The following MARCHF7 variants were observed in gnomAD, a reference collection of about 807,000 sequenced individuals.
The protein encoded by MARCHF7 is E3 ubiquitin-protein ligase MARCHF7.
A neutral mutation model predicts 76.5 loss-of-function variants in MARCHF7; 20 were observed. The ratio of observed to expected loss-of-function variants is 0.26; its 90% CI spans 0.18 to 0.38. The LOEUF (loss-of-function observed/expected upper bound fraction) is 0.38, where lower values mean the gene tolerates loss of function less well. Ranked by LOEUF, MARCHF7 falls within the 10% of genes least tolerant of loss-of-function variation. The pLI is 1.00. For missense variants in MARCHF7, 797 were observed against 812.9 expected (o/e 0.98, Z 0.24); for synonymous variants, 295 against 293.0 (o/e 1.01, Z -0.07).
chr2:159,761,406 C>CTT (rs747902045), intron 9 of MARCHF7, among the ~76,000 whole-genome samples: 1,714 of 73,524 alleles, frequency 0.023, 235 homozygotes, highest in Middle Eastern at 0.065. Context: ...TGAATCATTT[C>CTT]TTTTTTTTTT....
chr2:159,760,715 G>GTTTTTGTTTTTGT (rs1706938321), intron 9 of MARCHF7, among the ~76,000 whole-genome samples: 3 of 149,734 alleles, frequency 2.0e-5, no homozygotes, highest in African/African-American at 7.4e-5. Flanking sequence ...TTCCTTTTTT[G>GTTTTTGTTTTTGT]TTTTTGTTTT....
intron 11 of MARCHF7, among the ~76,000 whole-genome samples, chr2:159,766,855 C>T (rs4664301): frequency 0.34 from 52,308 of 151,890 alleles, 9,208 homozygotes; most frequent in South Asian, 0.44. Flanking sequence ...TCTATGTACA[C>T]TTCTTTTCAT....
chr2:159,731,778 TA>T lies in MARCHF7; in HGVS notation c.153+2604del, dbSNP rs1484712789. 2.7e-5 allele frequency among the ~76,000 whole-genome samples: 4 copies of T among 150,638 alleles called. No homozygotes were observed. In the East Asian group the frequency reaches 7.9e-4, roughly 30 times the overall value. ...TCAAAAAAAAAATTCCATTTCTTAT[TA>T]TGTTAAACAAATAGCATTTTTTAAA... On this transcript the variant is annotated intron_variant, in intron 4 of 11. Coordinates refer to ENST00000409175, the MANE Select transcript of MARCHF7 (RefSeq NM_001282805.2).
intron 3 of MARCHF7, among the ~76,000 whole-genome samples, chr2:159,719,920 G>C (rs554653182): frequency 6.6e-6 from 1 of 152,190 alleles, no homozygotes. Context: ...AGTCGAGATG[G>C]ATATGACCTT....
At chr2:159,751,505 G>A (rs1183979559) in intron 7 of MARCHF7, among the ~76,000 whole-genome samples, 3 of 152,166 alleles carry the variant, frequency 2.0e-5, no homozygotes, top group Non-Finnish European at 4.4e-5. Context: ...TTGAGGTTAT[G>A]TCTGATTAAC....
At chr2:159,718,625 C>T (rs1284518717) in intron 3 of MARCHF7, among the ~76,000 whole-genome samples, 1 of 152,096 alleles carries the variant, frequency 6.6e-6, no homozygotes, top group Non-Finnish European at 1.5e-5. Context: ...GAGTTCACAG[C>T]TTTCCAAATT....
At chr2:159,744,701 G>A (rs1704628871) in intron 5 of MARCHF7, among the ~76,000 whole-genome samples, 1 of 152,244 alleles carries the variant, frequency 6.6e-6, no homozygotes, top group Non-Finnish European at 1.5e-5. Context: ...TGATAGCTAA[G>A]AGCAGACTGT....
At chr2:159,740,636 G>T (rs1188800376) in intron 4 of MARCHF7, among the ~76,000 whole-genome samples, 1 of 152,168 alleles carries the variant, frequency 6.6e-6, no homozygotes, top group Admixed American at 6.5e-5. Flanking sequence ...TCTTGTGCTA[G>T]CTCCAGTTCA....
In MARCHF7 at chr2:159,746,982, T is replaced by A. The variant is rs1438077897; in HGVS notation, c.515-823T>A. 3.9e-5 allele frequency among the ~76,000 whole-genome samples: 6 copies of A among 152,294 alleles called. No individual in the cohort carries two copies. The East Asian group carries it at 1.2e-3, about 29-fold the overall frequency. ...GGTTTTGGAGTATAAAAGTACAGGATAGAAATAGATTTAGTTCCTAACATT... is the reference window on the plus strand; with the variant it reads ...GGTTTTGGAGTATAAAAGTACAGGAAAGAAATAGATTTAGTTCCTAACATT... On this transcript the variant is annotated intron_variant, in intron 6 of 11. Transcript: ENST00000409175.
At chr2:159,726,224 GTT>G (rs1702149030) in intron 3 of MARCHF7, among the ~76,000 whole-genome samples, 1 of 74,842 alleles carries the variant, frequency 1.3e-5, no homozygotes, top group Non-Finnish European at 2.6e-5. Context: ...TACAGGTTTT[GTT>G]TTGTTTTGTT....
At chr2:159,755,154 G>A (rs942440612) in intron 8 of MARCHF7, among the ~76,000 whole-genome samples, 1 of 152,138 alleles carries the variant, frequency 6.6e-6, no homozygotes, top group Non-Finnish European at 1.5e-5. Context: ...TGTATAGTGA[G>A]AAAGAGGTAG....
At chr2:159,729,635 T>G (rs1324884307) in intron 4 of MARCHF7, among the ~76,000 whole-genome samples, 1 of 151,264 alleles carries the variant, frequency 6.6e-6, no homozygotes, top group Non-Finnish European at 1.5e-5. Context: ...ATCATGAGAC[T>G]GCACTCCAGC....
At chr2:159,734,225 T>A (rs929823578) in intron 4 of MARCHF7, 1 of 738,164 alleles carries the variant, frequency 1.4e-6, no homozygotes, top group Admixed American at 4.2e-5. Flanking sequence ...GTGTTTGTTC[T>A]GTTTTGCCTT....
chr2:159,746,155 G>A (rs911858342), intron 6 of MARCHF7, among the ~76,000 whole-genome samples: 4 of 151,940 alleles, frequency 2.6e-5, no homozygotes, highest in Admixed American at 6.6e-5. Context: ...CTACCTTTAC[G>A]TTGTTTAACT....
In MARCHF7 at chr2:159,745,754, C is replaced by A. The variant is rs750518741; in HGVS notation, c.347-16C>A. On this transcript the variant is annotated splice_polypyrimidine_tract_variant and intron_variant, in intron 5 of 11. Transcript: ENST00000409175. Reference sequence around the variant, plus strand: ...GAAAGCTTTCTCTGAAATAAAACTTCTTCATTTATTTTAAGATTCATCTTG... The same window carrying A: ...GAAAGCTTTCTCTGAAATAAAACTTATTCATTTATTTTAAGATTCATCTTG... 3 of 1,567,236 alleles carry A rather than the reference C, an allele frequency of 1.9e-6. No homozygotes were observed. Among genetic ancestry groups the A allele is most frequent in the Admixed American group, 1.9e-5 (1 of 52,566 alleles).
At position 159,768,988 on chromosome 2, in the gene MARCHF7, A is replaced by C. The variant is rs1459039039; in HGVS notation, c.*1646A>C. The C allele has an allele frequency of 2.0e-5, 3 of 152,210 alleles. No homozygotes were observed. The highest frequency in any genetic ancestry group is 7.2e-5 in the African/African-American group (3 of 41,450). 9.4% of individuals were successfully genotyped at this position (152,210 alleles called of 1,614,324 possible). On this transcript the variant is annotated 3_prime_UTR_variant, in exon 12 of 12. Transcript: ENST00000409175. The stretch of plus-strand genomic sequence containing the variant: ...ATAACAATGGCTTAAGCTTTACAGT[A>C]TTCTTGTAGTTCCCTAGTACCACTT...
intron 8 of MARCHF7, among the ~76,000 whole-genome samples, chr2:159,756,904 T>C (rs1706398160): frequency 6.6e-6 from 1 of 151,986 alleles, no homozygotes; most frequent in Non-Finnish European, 1.5e-5. Context: ...AGTTTGTTTT[T>C]GTTTTTTGAG....
chr2:159,713,916 T>G (rs571638822), intron 1 of MARCHF7, among the ~76,000 whole-genome samples: 2 of 152,260 alleles, frequency 1.3e-5, no homozygotes, highest in South Asian at 4.1e-4. Context: ...AATACTAGTC[T>G]TGGTTTTTTT....
intron 3 of MARCHF7, among the ~76,000 whole-genome samples, chr2:159,728,527 G>T (rs1212817072): frequency 1.3e-5 from 2 of 152,178 alleles, no homozygotes; most frequent in Non-Finnish European, 2.9e-5. Context: ...CATATACAGA[G>T]AAGAAAGGTA....
Sources: allele counts gnomAD v4.1 joint callset (sites outside exome capture counted in the v4.1 genomes callset), GRCh38; gene constraint gnomAD v4.1.1; transcripts MANE v1.5; gene names NCBI Gene and HGNC (gene_info 2026-07-23, HGNC 2026-07-21).